Variants in SLCO5A1 observed in about 807,000 individuals in gnomAD.
SLCO5A1 encodes the protein organic anion transporter polypeptide-related protein 4.
A neutral mutation model predicts 65.1 loss-of-function variants in SLCO5A1; 39 were observed. That is an observed-to-expected ratio of 0.60 (90% confidence interval 0.46 to 0.78). The LOEUF (loss-of-function observed/expected upper bound fraction) is 0.78, where lower values mean the gene tolerates loss of function less well. Among genes scored for constraint, SLCO5A1 ranks in the 30% least tolerant of loss-of-function variants. The pLI is 0.00. For synonymous variants in SLCO5A1, 438 were observed against 415.7 expected (o/e 1.05, Z -0.65); for missense variants, 1,029 against 1,069.4 (o/e 0.96, Z 0.53).
chr8:69,772,619 G>A (rs996973605), intron 2 of SLCO5A1, among the ~76,000 whole-genome samples: 1 of 149,390 alleles, frequency 6.7e-6, no homozygotes, highest in African/African-American at 2.5e-5. Context: ...GAAAGGAAAG[G>A]AAAGGAAAGG....
chr8:69,735,503 A>G (rs1816515033), intron 5 of SLCO5A1, among the ~76,000 whole-genome samples: 1 of 152,180 alleles, frequency 6.6e-6, no homozygotes, highest in Non-Finnish European at 1.5e-5. Context: ...AACGGAACAA[A>G]ATCATGTCAT....
chr8:69,769,140 C>T (rs1190572211), intron 2 of SLCO5A1, among the ~76,000 whole-genome samples: 2 of 152,182 alleles, frequency 1.3e-5, no homozygotes, highest in African/African-American at 4.8e-5. Context: ...ACATGGGCTA[C>T]ACTCCCCATC....
chr8:69,779,751 A>C (rs985955244), intron 2 of SLCO5A1, among the ~76,000 whole-genome samples: 14 of 152,148 alleles, frequency 9.2e-5, no homozygotes, highest in African/African-American at 3.1e-4. Flanking sequence ...TCCTCTTTTC[A>C]TTTAAGGGCA....
intron 6 of SLCO5A1, among the ~76,000 whole-genome samples, chr8:69,692,212 G>A (rs1814293067): frequency 6.6e-6 from 1 of 152,188 alleles, no homozygotes; most frequent in Non-Finnish European, 1.5e-5. Context: ...TCGTGCCACT[G>A]CACTCCAGCG....
chr8:69,735,453 A>T (rs1387032720), intron 5 of SLCO5A1, among the ~76,000 whole-genome samples: 2 of 152,224 alleles, frequency 1.3e-5, no homozygotes, highest in African/African-American at 2.4e-5. Flanking sequence ...GGTAAAGAAA[A>T]TGTGGTACAT....
intron 5 of SLCO5A1, among the ~76,000 whole-genome samples, chr8:69,722,389 C>A (rs1815868170): frequency 6.6e-6 from 1 of 152,024 alleles, no homozygotes; most frequent in African/African-American, 2.4e-5. Flanking sequence ...AGAAAACAGA[C>A]TGAGAAAATG....
intron 7 of SLCO5A1, among the ~76,000 whole-genome samples, chr8:69,679,877 C>T (rs900406388): frequency 2.0e-5 from 3 of 152,178 alleles, no homozygotes; most frequent in South Asian, 2.1e-4. Context: ...ATACCATTCA[C>T]GTTCTGCAGG....
At position 69,786,902 on chromosome 8, in the gene SLCO5A1, T is replaced by C. The variant is rs554805083; in HGVS notation, c.908-25027A>G. Among the ~76,000 whole-genome samples the C allele has an allele frequency of 3.3e-5, 5 of 152,354 alleles. 1 individual carries two copies. Among genetic ancestry groups the C allele is most frequent in the Admixed American group, 3.3e-4 (5 of 15,302 alleles). ...CAACTCAGCCTAACAAAATAGGGAA[T>C]AGTTAAGGATCCATTCCAATAATTT... On this transcript the variant is annotated intron_variant, in intron 2 of 9. Transcript: ENST00000260126.
chr8:69,807,700 T>C (rs975510497), intron 2 of SLCO5A1, among the ~76,000 whole-genome samples: 1 of 152,120 alleles, frequency 6.6e-6, no homozygotes, highest in African/African-American at 2.4e-5. Flanking sequence ...TCCTGTTTTT[T>C]GTTTGTTTGT....
chr8:69,705,268 G>A (rs938107879), intron 5 of SLCO5A1, 39 bp from the exon 6 acceptor site: 2 of 1,584,850 alleles, frequency 1.3e-6, no homozygotes, highest in South Asian at 2.2e-5. Context: ...TTGAACTCAT[G>A]TACACTATTA....
intron 2 of SLCO5A1, among the ~76,000 whole-genome samples, chr8:69,820,715 T>C (rs912635288): frequency 6.6e-6 from 1 of 152,036 alleles, no homozygotes; most frequent in Non-Finnish European, 1.5e-5. Flanking sequence ...AAAATATTTT[T>C]CCGTACAATA....
At chr8:69,755,877 A>G (rs200414393) in intron 3 of SLCO5A1, among the ~76,000 whole-genome samples, 1 of 152,206 alleles carries the variant, frequency 6.6e-6, no homozygotes, top group East Asian at 1.9e-4. Context: ...ATAATCAGCA[A>G]CCTGATTCGA....
intron 2 of SLCO5A1, among the ~76,000 whole-genome samples, chr8:69,824,293 A>T (rs1029982163): frequency 6.6e-6 from 1 of 152,174 alleles, no homozygotes; most frequent in Non-Finnish European, 1.5e-5. Flanking sequence ...GAACTGAAGG[A>T]AATAGAGACA....
chr8:69,764,835 T>G (rs538308606), intron 2 of SLCO5A1, among the ~76,000 whole-genome samples: 2 of 152,174 alleles, frequency 1.3e-5, no homozygotes. Context: ...TGAAAGAAGC[T>G]ATCTTACACA....
chr8:69,798,296 G>T (rs1489517802), intron 2 of SLCO5A1, among the ~76,000 whole-genome samples: 1 of 152,050 alleles, frequency 6.6e-6, no homozygotes, highest in Non-Finnish European at 1.5e-5. Context: ...TTCTGTATTG[G>T]TCCTTTCTTG....
intron 4 of SLCO5A1, among the ~76,000 whole-genome samples, chr8:69,744,481 T>C (rs182224876): frequency 3.3e-5 from 5 of 152,352 alleles, no homozygotes; most frequent in Admixed American, 6.5e-5. Flanking sequence ...ACAGCTTCTC[T>C]AGACAGTCTA....
In SLCO5A1 at chr8:69,667,956, A is replaced by C. The variant is rs1586662083; in HGVS notation, c.*4913T>G. 6.6e-6 allele frequency: 1 copy of C among 152,248 alleles called. No individual in the cohort carries two copies. Among genetic ancestry groups the C allele is most frequent in the Non-Finnish European group, 1.5e-5 (1 of 68,046 alleles). 9.4% of individuals were successfully genotyped at this position (152,248 alleles called of 1,614,324 possible). ...CTTCAGATTTCCAAACACAAAGTAC[A>C]TGCAGCCACTTAGCAGTGAAATACT... On this transcript the variant is annotated 3_prime_UTR_variant, in exon 10 of 10. Transcript: ENST00000260126.
intron 6 of SLCO5A1, among the ~76,000 whole-genome samples, chr8:69,689,978 A>C (rs909142325): frequency 6.6e-6 from 1 of 152,050 alleles, no homozygotes; most frequent in Non-Finnish European, 1.5e-5. Context: ...TGAGCATGGA[A>C]TGTTCTTCCA....
At chr8:69,787,584 GAATGGC>G (rs1292735539) in intron 2 of SLCO5A1, among the ~76,000 whole-genome samples, 3 of 152,160 alleles carry the variant, frequency 2.0e-5, no homozygotes, top group Admixed American at 2.0e-4. Context: ...ATGAAGTCTG[GAATGGC>G]ATTCCAAAAT....
Sources: allele counts gnomAD v4.1 joint callset (sites outside exome capture counted in the v4.1 genomes callset), GRCh38; gene constraint gnomAD v4.1.1; transcripts MANE v1.5; gene names NCBI Gene and HGNC (gene_info 2026-07-23, HGNC 2026-07-21).